Variants in SLC9A9 observed in about 807,000 individuals in gnomAD.
SLC9A9 encodes sodium/hydrogen exchanger 9.
Under a neutral mutation model 77.8 loss-of-function variants are expected in SLC9A9, and 62 were observed. The ratio of observed to expected loss-of-function variants is 0.80; its 90% CI spans 0.65 to 0.98. The LOEUF (loss-of-function observed/expected upper bound fraction) is 0.98. Among genes scored for constraint, SLC9A9 ranks in the 50% least tolerant of loss-of-function variants. SLC9A9 has a pLI of 0.00. For synonymous variants in SLC9A9, 320 were observed against 283.5 expected, an observed-to-expected ratio of 1.13 and a Z score of -1.29; for missense variants, 775 against 774.9, an observed-to-expected ratio of 1.00 and a Z score of 0.00.
intron 9 of SLC9A9, among the ~76,000 whole-genome samples, chr3:143,514,306 C>T (rs1228349630): frequency 1.3e-5 from 2 of 151,672 alleles, no homozygotes; most frequent in African/African-American, 4.9e-5. Context: ...CTTTGTTGGT[C>T]CATATATAGA....
At chr3:143,691,637 A>G (rs1267671246) in intron 5 of SLC9A9, among the ~76,000 whole-genome samples, 3 of 152,084 alleles carry the variant, frequency 2.0e-5, no homozygotes, top group Admixed American at 6.6e-5. Context: ...TTCTTTACCA[A>G]TTGTAGCTTT....
intron 14 of SLC9A9, among the ~76,000 whole-genome samples, chr3:143,273,728 C>T (rs1369135673): frequency 6.6e-6 from 1 of 152,098 alleles, no homozygotes; most frequent in Non-Finnish European, 1.5e-5. Context: ...TCATCTAGAA[C>T]GTTTGTTAAA....
At chr3:143,592,056 A>T (rs1374159267) in intron 6 of SLC9A9, among the ~76,000 whole-genome samples, 1 of 152,232 alleles carries the variant, frequency 6.6e-6, no homozygotes, top group Non-Finnish European at 1.5e-5. Flanking sequence ...TAAAACTTTC[A>T]TCACCTTCTC....
chr3:143,681,472 A>T (rs1933091071), intron 5 of SLC9A9, among the ~76,000 whole-genome samples: 1 of 152,168 alleles, frequency 6.6e-6, no homozygotes, highest in South Asian at 2.1e-4. Flanking sequence ...CTGCCTAACT[A>T]GCATTATTAT....
chr3:143,553,585 TA>T lies in SLC9A9; in HGVS notation c.1001-1136del, dbSNP rs368278594. Reference sequence around the variant, plus strand: ...CAAAGAATTTTAAAGAACTGAGCTTTAAAAAAATATGTAGACTATATGCTTC... The same window carrying T: ...CAAAGAATTTTAAAGAACTGAGCTTTAAAAAATATGTAGACTATATGCTTC... On this transcript the variant is annotated intron_variant, in intron 8 of 15. Coordinates refer to ENST00000316549, the MANE Select transcript of SLC9A9 (RefSeq NM_173653.4). 3.3e-3 allele frequency among the ~76,000 whole-genome samples: 506 copies of T among 152,312 alleles called. 2 individuals are homozygous for T. The highest frequency in any genetic ancestry group is 0.012 in the African/African-American group (491 of 41,564).
At chr3:143,789,435 A>G (rs17651963) in intron 4 of SLC9A9, among the ~76,000 whole-genome samples, 1,799 of 152,236 alleles carry the variant, frequency 0.012, 19 homozygotes, top group Non-Finnish European at 0.02. Flanking sequence ...AAATCCTTCT[A>G]TGTACCATCT....
intron 6 of SLC9A9, among the ~76,000 whole-genome samples, chr3:143,579,649 A>T (rs2037421261): frequency 6.6e-6 from 1 of 152,226 alleles, no homozygotes; most frequent in African/African-American, 2.4e-5. Context: ...GATTTTAAAA[A>T]CTAATCAGGA....
chr3:143,781,957 T>A (rs1576722108), intron 4 of SLC9A9, among the ~76,000 whole-genome samples: 1 of 152,154 alleles, frequency 6.6e-6, no homozygotes, highest in Non-Finnish European at 1.5e-5. Context: ...GACATTAGAG[T>A]GTAATTGCTA....
chr3:143,268,302 G>T (rs185690157), intron 15 of SLC9A9, among the ~76,000 whole-genome samples: 1 of 152,122 alleles, frequency 6.6e-6, no homozygotes, highest in Non-Finnish European at 1.5e-5. Flanking sequence ...AAACACAGCA[G>T]TTTGTGAGGA....
At chr3:143,582,445 C>T (rs1308956388) in intron 6 of SLC9A9, among the ~76,000 whole-genome samples, 1 of 152,170 alleles carries the variant, frequency 6.6e-6, no homozygotes, top group East Asian at 1.9e-4. Context: ...TCATCATCAT[C>T]ATTCTGCTGA....
chr3:143,378,829 A>C (rs899613617), intron 13 of SLC9A9, among the ~76,000 whole-genome samples: 5 of 152,192 alleles, frequency 3.3e-5, no homozygotes, highest in Admixed American at 3.3e-4. Context: ...TGATATCTGC[A>C]TATGGAACAT....
chr3:143,376,232 C>T (rs370263621), intron 13 of SLC9A9, among the ~76,000 whole-genome samples: 74 of 152,204 alleles, frequency 4.9e-4, no homozygotes, highest in African/African-American at 1.7e-3. Context: ...TTGATACTCT[C>T]GATAGGGTTG....
chr3:143,404,060 C>T (rs992569368), intron 12 of SLC9A9, among the ~76,000 whole-genome samples: 1 of 152,076 alleles, frequency 6.6e-6, no homozygotes, highest in African/African-American at 2.4e-5. Context: ...TCATCAAGTT[C>T]ACTGACTATT....
At chr3:143,599,271 A>G (rs1259963585) in intron 6 of SLC9A9, among the ~76,000 whole-genome samples, 1 of 152,254 alleles carries the variant, frequency 6.6e-6, no homozygotes, top group Non-Finnish European at 1.5e-5. Flanking sequence ...TATTTTGCCA[A>G]TCAGTTACAG....
chr3:143,397,046 C>T (rs192722483), intron 12 of SLC9A9, among the ~76,000 whole-genome samples: 1 of 152,320 alleles, frequency 6.6e-6, no homozygotes, highest in East Asian at 1.9e-4. Flanking sequence ...GGCACAACTT[C>T]CCTTGAGTTT....
intron 4 of SLC9A9, among the ~76,000 whole-genome samples, chr3:143,767,129 T>C (rs1220547832): frequency 6.6e-6 from 1 of 152,134 alleles, no homozygotes; most frequent in African/African-American, 2.4e-5. Flanking sequence ...GGTATGCTTC[T>C]TGCCTGGACC....
intron 4 of SLC9A9, among the ~76,000 whole-genome samples, chr3:143,785,952 G>A (rs1317366409): frequency 1.3e-5 from 2 of 149,870 alleles, no homozygotes; most frequent in East Asian, 3.9e-4. Context: ...CGCCTCCCGG[G>A]TTCACGCCAT....
intron 14 of SLC9A9, among the ~76,000 whole-genome samples, chr3:143,303,165 T>C (rs1559859345): frequency 6.6e-6 from 1 of 152,080 alleles, no homozygotes. Context: ...TTGTACAAAT[T>C]AGAGAGGCCC....
intron 12 of SLC9A9, among the ~76,000 whole-genome samples, chr3:143,401,184 G>T (rs939662860): frequency 5.2e-4 from 79 of 152,212 alleles, no homozygotes; most frequent in African/African-American, 1.9e-3. Context: ...GTGAGACAGG[G>T]TATCTATTTC....
Sources: allele counts gnomAD v4.1 joint callset (sites outside exome capture counted in the v4.1 genomes callset), GRCh38; gene constraint gnomAD v4.1.1; transcripts MANE v1.5; gene names NCBI Gene and HGNC (gene_info 2026-07-23, HGNC 2026-07-21).